FAM149A: variants seen among roughly 807,000 people sequenced by gnomAD.
FAM149A encodes the protein protein FAM149A.
In FAM149A, 71 loss-of-function variants were observed where a neutral mutation model predicts 78.2. That is an observed-to-expected ratio of 0.91 (90% CI 0.75 to 1.11). The LOEUF (loss-of-function observed/expected upper bound fraction) is 1.11. FAM149A is among the 50% of genes least tolerant of loss of function. The pLI is 0.00. For synonymous variants in FAM149A, 446 were observed against 410.5 expected, an observed-to-expected ratio of 1.09 and a Z score of -1.04; for missense variants, 1,036 against 971.0, an observed-to-expected ratio of 1.07 and a Z score of -0.89.
At position 186,159,694 on chromosome 4, in the gene FAM149A, G is replaced by T. The variant is rs546223670; in HGVS notation, c.1575+1975G>T. On this transcript the variant is annotated intron_variant, in intron 8 of 13. Coordinates refer to ENST00000389354, the MANE Select transcript of FAM149A (RefSeq NM_001367768.3). Reference sequence around the variant, plus strand: ...ACAGGGTCCAGCACATACTGAGCGCGTAATAAATTTTTCTTGAATTGCATT... The same window carrying T: ...ACAGGGTCCAGCACATACTGAGCGCTTAATAAATTTTTCTTGAATTGCATT... Among the ~76,000 whole-genome samples the T allele has an allele frequency of 7.2e-5, 11 of 152,186 alleles. No homozygotes were observed. The East Asian group carries it at 1.9e-3, about 27-fold the overall frequency.
At chr4:186,162,319 G>A (rs1734669236) in intron 8 of FAM149A, among the ~76,000 whole-genome samples, 1 of 152,206 alleles carries the variant, frequency 6.6e-6, no homozygotes, top group Non-Finnish European at 1.5e-5. Context: ...GAGGAGGAGA[G>A]GAGAGGTCCC....
intron 6 of FAM149A, 138 bp downstream of exon 6, chr4:186,154,776 A>G (rs1238857657): frequency 9.1e-6 from 13 of 1,421,734 alleles, no homozygotes; most frequent in Non-Finnish European, 1.2e-5. Context: ...AGAGTAATGT[A>G]CTCCCCAGAG....
intron 6 of FAM149A, 122 bp downstream of exon 6, chr4:186,154,760 C>CT: frequency 7.0e-7 from 1 of 1,437,336 alleles, no homozygotes; most frequent in South Asian, 1.5e-5. Flanking sequence ...GATTTCTGTT[C>CT]TTTTGAGAGT....
intron 1 of FAM149A, chr4:186,117,535 A>G (rs2150086951): frequency 2.0e-6 from 2 of 985,432 alleles, no homozygotes; most frequent in Admixed American, 6.1e-5. Flanking sequence ...AGTGGGGCAC[A>G]TGGACACCTG....
chr4:186,167,455 G>C (rs1189827017), intron 13 of FAM149A, 193 bp downstream of exon 13: 2 of 645,924 alleles, frequency 3.1e-6, no homozygotes, highest in Middle Eastern at 5.1e-4. Context: ...CTTACCTGCT[G>C]TGAGGTCAAG....
intron 13 of FAM149A, among the ~76,000 whole-genome samples, chr4:186,170,178 G>A (rs933000709): frequency 3.9e-5 from 6 of 152,190 alleles, no homozygotes; most frequent in Admixed American, 6.5e-5. Context: ...AGATGCCCAG[G>A]GCTGTAGGTG....
chr4:186,127,630 A>G, intron 1 of FAM149A: 2 of 985,452 alleles, frequency 2.0e-6, no homozygotes, highest in Non-Finnish European at 2.4e-6. Context: ...CTTACTCTTC[A>G]GACAAGCAAG....
chr4:186,110,285 T>A, intron 1 of FAM149A: 1 of 985,444 alleles, frequency 1.0e-6, no homozygotes, highest in Non-Finnish European at 1.2e-6. Flanking sequence ...TCTTTTTGTT[T>A]CATCGTCTTG....
At chr4:186,132,176 T>C (rs1579824637) in intron 1 of FAM149A, 1 of 985,454 alleles carries the variant, frequency 1.0e-6, no homozygotes, top group East Asian at 1.1e-4. Context: ...TCACTTTTAA[T>C]GAAGGGCAGA....
chr4:186,152,402 A>G (rs1339327291), intron 4 of FAM149A, among the ~76,000 whole-genome samples: 1 of 152,172 alleles, frequency 6.6e-6, no homozygotes, highest in Non-Finnish European at 1.5e-5. Flanking sequence ...GTGGGCAGAG[A>G]TGATTTGCTG....
chr4:186,109,649 A>G (rs1390404891), intron 1 of FAM149A: 2 of 984,432 alleles, frequency 2.0e-6, no homozygotes, highest in African/African-American at 1.7e-5. Flanking sequence ...AATAAGTAAT[A>G]TATGGAGAAA....
intron 1 of FAM149A, chr4:186,109,732 T>C (rs2099310416): frequency 1.0e-6 from 1 of 980,386 alleles, no homozygotes; most frequent in Admixed American, 6.1e-5. Context: ...CCATGTTTTA[T>C]TGAAAGAAAC....
At position 186,162,945 on chromosome 4, in the gene FAM149A, C is replaced by A; in HGVS notation, c.1676C>A (p.Thr559Lys). The A allele has an allele frequency of 6.3e-7, 1 of 1,585,996 alleles. No homozygotes were observed. Among genetic ancestry groups the A allele is most frequent in the Non-Finnish European group, 8.6e-7 (1 of 1,156,666 alleles). Residue 559 changes from threonine (T) to lysine (K), a missense_variant, in exon 9 of 14, where the codon ACG (threonine) becomes AAG (lysine). This residue lies in a region of FAM149A where 716 missense variants were observed against 711.8 expected (regional missense o/e 1.01). Transcript: ENST00000389354. ...AGACCTGCCTATTTTGCTGACAGAACGCAGTACGTATCAGAATCAGTAGTA... is the reference window on the plus strand; with the variant it reads ...AGACCTGCCTATTTTGCTGACAGAAAGCAGTACGTATCAGAATCAGTAGTA...
chr4:186,139,867 T>TA (rs1453399038), intron 1 of FAM149A, among the ~76,000 whole-genome samples: 1 of 152,214 alleles, frequency 6.6e-6, no homozygotes, highest in African/African-American at 2.4e-5. Flanking sequence ...GTTTATATGA[T>TA]ACCCATGTAA....
chr4:186,157,102 CATT>C (rs531654889), intron 7 of FAM149A, among the ~76,000 whole-genome samples: 94 of 152,270 alleles, frequency 6.2e-4, no homozygotes, highest in Admixed American at 4.2e-3. Context: ...TTGTTCGTGA[CATT>C]ATCTGTAATG....
chr4:186,125,501 C>A, intron 1 of FAM149A: 1 of 362,410 alleles, frequency 2.8e-6, no homozygotes, highest in Non-Finnish European at 3.8e-6. Flanking sequence ...GTCAGCCAGC[C>A]AGCAATCAGT....
rs191729168 is a variant in FAM149A, at chr4:186,130,400, A to T, written c.567-18773A>T. ...AATTGTGTATAATTGTTTGAGACAG[A>T]GTCTTACTCTGTCATCCAGACTGGA... On this transcript the variant is annotated intron_variant, in intron 1 of 13. Transcript: ENST00000389354. Among the ~76,000 whole-genome samples the T allele has an allele frequency of 8.6e-5, 13 of 150,930 alleles. No homozygotes were observed. In the East Asian group the frequency reaches 2.0e-3, roughly 23 times the overall value.
At chr4:186,110,359 G>A in intron 1 of FAM149A, 2 of 977,442 alleles carry the variant, frequency 2.0e-6, no homozygotes, top group Non-Finnish European at 2.4e-6. Context: ...ATGAACGGTG[G>A]CTCAGTGTAC....
chr4:186,116,828 T>A (rs1319530385), intron 1 of FAM149A: 1 of 915,904 alleles, frequency 1.1e-6, no homozygotes, highest in Non-Finnish European at 1.3e-6. Context: ...TTCTAAGTTC[T>A]TATCCAACAA....
Sources: allele counts gnomAD v4.1 joint callset (sites outside exome capture counted in the v4.1 genomes callset), GRCh38; gene constraint gnomAD v4.1.1; regional missense constraint gnomAD v4.1.1; transcripts MANE v1.5; gene names NCBI Gene and HGNC (gene_info 2026-07-23, HGNC 2026-07-21).